Variants in RANBP17 observed in about 807,000 individuals in gnomAD.
The protein encoded by RANBP17 is RAN binding protein 17, also known as ran-binding protein 17.
In RANBP17, 158 loss-of-function variants were observed where a neutral mutation model predicts 141.2. The ratio of observed to expected loss-of-function variants is 1.12; its 90% CI spans 0.98 to 1.28. RANBP17 has a LOEUF of 1.28. RANBP17 is among the 50% of genes most tolerant of loss of function. The pLI is 0.00. For synonymous variants in RANBP17, 430 were observed against 450.0 expected, an observed-to-expected ratio of 0.96 and a Z score of 0.56; for missense variants, 1,438 against 1,290.7, an observed-to-expected ratio of 1.11 and a Z score of -1.75.
chr5:170,991,920 T>C (rs1211760338), intron 14 of RANBP17, among the ~76,000 whole-genome samples: 1 of 152,044 alleles, frequency 6.6e-6, no homozygotes, highest in Non-Finnish European at 1.5e-5. Flanking sequence ...TAAATTTGTG[T>C]TGGAAACCAA....
At chr5:170,980,346 T>C (rs111382874) in intron 14 of RANBP17, among the ~76,000 whole-genome samples, 1 of 152,172 alleles carries the variant, frequency 6.6e-6, no homozygotes, top group African/African-American at 2.4e-5. Flanking sequence ...GTATAAGTAA[T>C]GAGAAGCTGA....
At chr5:170,996,334 A>G (rs548042407) in intron 14 of RANBP17, among the ~76,000 whole-genome samples, 8 of 152,268 alleles carry the variant, frequency 5.3e-5, no homozygotes, top group African/African-American at 1.9e-4. Flanking sequence ...GGAATGGAAA[A>G]TTTTTTAATG....
chr5:170,980,872 G>A, intron 14 of RANBP17, among the ~76,000 whole-genome samples: 1 of 152,180 alleles, frequency 6.6e-6, no homozygotes, highest in East Asian at 1.9e-4. Flanking sequence ...CAGAATGGTA[G>A]ATCCACTGAC....
chr5:170,904,313 T>C (rs1770901007), intron 5 of RANBP17: 2 of 248,406 alleles, frequency 8.1e-6, no homozygotes, highest in Non-Finnish European at 8.2e-6. Flanking sequence ...CCTTCATCAC[T>C]GTCTACAAGT....
At chr5:170,998,256 G>T (rs1178835095) in intron 14 of RANBP17, among the ~76,000 whole-genome samples, 1 of 152,162 alleles carries the variant, frequency 6.6e-6, no homozygotes, top group Non-Finnish European at 1.5e-5. Flanking sequence ...TGTTATGTGT[G>T]TAGATTTTTG....
chr5:171,274,976 T>C (rs1350682072), intron 25 of RANBP17, among the ~76,000 whole-genome samples: 1 of 152,152 alleles, frequency 6.6e-6, no homozygotes, highest in African/African-American at 2.4e-5. Context: ...AGGAACCCCC[T>C]TCCCAACCCC....
chr5:171,162,812 C>T (rs944821214), intron 14 of RANBP17, among the ~76,000 whole-genome samples: 3 of 152,086 alleles, frequency 2.0e-5, no homozygotes, highest in African/African-American at 7.2e-5. Context: ...CAGCCCTGCA[C>T]CCCAGCCTGC....
intron 4 of RANBP17, among the ~76,000 whole-genome samples, chr5:170,894,686 A>G (rs1162160870): frequency 6.6e-6 from 1 of 151,474 alleles, no homozygotes; most frequent in Non-Finnish European, 1.5e-5. Context: ...TCTTTTTTCT[A>G]TTATTATGGC....
rs116423411 is a variant in RANBP17, at chr5:171,183,778, G to A, written c.2038+348G>A. Reference sequence around the variant, plus strand: ...ACACAAAGATTTTCGTCATAGTGATGTCTAAACTAGAGAAAAAGTAGAAAT... The same window carrying A: ...ACACAAAGATTTTCGTCATAGTGATATCTAAACTAGAGAAAAAGTAGAAAT... On this transcript the variant is annotated intron_variant, in intron 18 of 27. Transcript: ENST00000523189. Among the ~76,000 whole-genome samples, 744 of 152,280 alleles carry A rather than the reference G, an allele frequency of 4.9e-3. 5 individuals are homozygous for A. Among genetic ancestry groups the A allele is most frequent in the African/African-American group, 0.016 (685 of 41,556 alleles).
rs1561941553 is a variant in RANBP17 at position 170,968,347 on chromosome 5, TG to T, written c.1681del (p.Val561LeufsTer19). The T allele has an allele frequency of 6.2e-7, 1 of 1,607,428 alleles. No homozygotes were observed. Among genetic ancestry groups the T allele is most frequent in the Admixed American group, 1.7e-5 (1 of 58,746 alleles). On this transcript the variant is annotated frameshift_variant, in exon 14 of 28. Coordinates refer to ENST00000523189, the MANE Select transcript of RANBP17 (RefSeq NM_022897.5). LOFTEE classifies it high-confidence loss of function. ...TCTTGGATCAGTTTCGTAAAACATATGTTGGTGATCAACTTCAAAGAACCTC... is the reference window on the plus strand; with the variant it reads ...TCTTGGATCAGTTTCGTAAAACATATTTGGTGATCAACTTCAAAGAACCTC... ...WFLDQFRKTY[V>X]GDQLQRTSKV...
intron 25 of RANBP17, among the ~76,000 whole-genome samples, chr5:171,273,941 T>G (rs74564204): frequency 0.015 from 2,258 of 152,330 alleles, 49 homozygotes; most frequent in African/African-American, 0.05. Flanking sequence ...TTACTATACT[T>G]GTCTACTGGA....
At chr5:170,956,608 G>A (rs1469484057) in intron 13 of RANBP17, among the ~76,000 whole-genome samples, 1 of 151,732 alleles carries the variant, frequency 6.6e-6, no homozygotes, top group African/African-American at 2.4e-5. Flanking sequence ...ATGCCACCAC[G>A]CCTGGCTAAT....
At chr5:171,195,751 C>T (rs1761944136) in intron 18 of RANBP17, among the ~76,000 whole-genome samples, 1 of 152,164 alleles carries the variant, frequency 6.6e-6, no homozygotes, top group African/African-American at 2.4e-5. Context: ...GGCTCGCTGA[C>T]ATTTACCAGC....
At chr5:171,047,963 C>G (rs573394776) in intron 14 of RANBP17, among the ~76,000 whole-genome samples, 222 of 152,272 alleles carry the variant, frequency 1.5e-3, no homozygotes, top group African/African-American at 4.6e-3. Flanking sequence ...TTCTGGTTCA[C>G]AAATATTTTC....
intron 14 of RANBP17, among the ~76,000 whole-genome samples, chr5:171,004,790 T>C (rs975763712): frequency 1.3e-5 from 2 of 152,118 alleles, no homozygotes; most frequent in Non-Finnish European, 2.9e-5. Flanking sequence ...AGGGCACGGC[T>C]TAGGAGGAAT....
At chr5:171,006,189 G>C (rs575105292) in intron 14 of RANBP17, among the ~76,000 whole-genome samples, 3 of 152,294 alleles carry the variant, frequency 2.0e-5, no homozygotes, top group African/African-American at 7.2e-5. Context: ...TCAGTATGGC[G>C]ATTCCTTCGG....
At position 171,133,070 on chromosome 5, in the gene RANBP17, G is replaced by C. The variant is rs1757037081; in HGVS notation, c.1711-37060G>C. Among the ~76,000 whole-genome samples, 2 of 151,988 alleles carry C rather than the reference G, an allele frequency of 1.3e-5. 1 individual carries two copies. Among genetic ancestry groups the C allele is most frequent in the South Asian group, 4.1e-4 (2 of 4,822 alleles). Reference sequence around the variant, plus strand: ...TTGGCTAATTTTTGTATTTTTAGTAGAGACAGGGTTTCACCTTTTTGGCCA... The same window carrying C: ...TTGGCTAATTTTTGTATTTTTAGTACAGACAGGGTTTCACCTTTTTGGCCA... On this transcript the variant is annotated intron_variant, in intron 14 of 27. Coordinates refer to ENST00000523189, the MANE Select transcript of RANBP17 (RefSeq NM_022897.5).
chr5:171,167,561 A>G (rs1025737806), intron 14 of RANBP17, among the ~76,000 whole-genome samples: 1 of 152,180 alleles, frequency 6.6e-6, no homozygotes, highest in Non-Finnish European at 1.5e-5. Context: ...ATCTATATAA[A>G]TGATCCTGTG....
chr5:171,039,435 T>TTTTTTGCTATTTGTGTCTA (rs1782111785), intron 14 of RANBP17, among the ~76,000 whole-genome samples: 2 of 152,160 alleles, frequency 1.3e-5, no homozygotes, highest in South Asian at 4.1e-4. Context: ...ATGTATTTGT[T>TTTTTTGCTATTTGTGTCTA]TTTGTTTTTT....
Sources: allele counts gnomAD v4.1 joint callset (sites outside exome capture counted in the v4.1 genomes callset), GRCh38; gene constraint gnomAD v4.1.1; transcripts MANE v1.5; gene names NCBI Gene and HGNC (gene_info 2026-07-23, HGNC 2026-07-21).